GALNT4: variants seen among roughly 807,000 people sequenced by gnomAD.
GALNT4 encodes the protein polypeptide N-acetylgalactosaminyltransferase 4, also known as UDP-GalNAc:polypeptide N-acetylgalactosaminyltransferase 4.
Under a neutral mutation model 45.1 loss-of-function variants are expected in GALNT4, and 23 were observed. That is an observed-to-expected ratio of 0.51 (90% CI 0.37 to 0.72). GALNT4 has a LOEUF of 0.72. GALNT4 is among the 30% of genes least tolerant of loss of function. The pLI is 0.00. For synonymous variants in GALNT4, 264 were observed against 257.6 expected (o/e 1.02, Z -0.24); for missense variants, 757 against 709.0 (o/e 1.07, Z -0.77).
chr12:89,522,660 T>C lies in GALNT4; in HGVS notation c.*153A>G. 1 of 913,298 alleles carries C rather than the reference T, an allele frequency of 1.1e-6. No homozygotes were observed. The allele number at this position is 913,298 out of a possible 1,614,324, so 56.6% of individuals were successfully genotyped here. A position where few individuals can be genotyped will look rare whatever the true frequency, so the allele number is the denominator to read the frequency against. ...GCACTCTGGGTACCCAGTTTCAGTG[T>C]GATATACCAAAATGAACCCCAGCTT... On this transcript the variant is annotated 3_prime_UTR_variant, in exon 1 of 1. Coordinates refer to ENST00000529983, the MANE Select transcript of GALNT4 (RefSeq NM_003774.5).
At position 89,523,462 on chromosome 12, in the gene GALNT4, A is replaced by G. The variant is rs1341623435; in HGVS notation, c.1088T>C (p.Val363Ala). Residue 363 changes from valine (V) to alanine (A), a missense_variant, in exon 1 of 1, where the codon GTG becomes GCG. Coordinates refer to ENST00000529983, the MANE Select transcript of GALNT4 (RefSeq NM_003774.5). ...EIHPCSHVGH[V>A]FPKRAPYARP... ...AGCATATGGTGCCCGCTTGGGGAACACATGGCCCACGTGGGAACACGGGTG... is the reference window on the plus strand; with the variant it reads ...AGCATATGGTGCCCGCTTGGGGAACGCATGGCCCACGTGGGAACACGGGTG... 1.2e-6 allele frequency: 2 copies of G among 1,613,952 alleles called. No homozygotes were observed. The highest frequency in any genetic ancestry group is 1.7e-6 in the Non-Finnish European group (2 of 1,179,990).
In GALNT4 at chr12:89,522,804, T is replaced by C; in HGVS notation, c.*9A>G. ...TACTGTCAGCTCATGACGAAAGTGC[T>C]GTTGTGCTCTATTTCTCAAAACTCC... On this transcript the variant is annotated 3_prime_UTR_variant, in exon 1 of 1. Coordinates refer to ENST00000529983, the MANE Select transcript of GALNT4 (RefSeq NM_003774.5). The C allele has an allele frequency of 1.3e-6, 2 of 1,560,822 alleles. No homozygotes were observed. The highest frequency in any genetic ancestry group is 1.7e-6 in the Non-Finnish European group (2 of 1,156,076).
rs1311732678 is a variant in GALNT4 at position 89,522,228 on chromosome 12, A to T, written c.*585T>A. On this transcript the variant is annotated 3_prime_UTR_variant, in exon 1 of 1. Coordinates refer to ENST00000529983, the MANE Select transcript of GALNT4 (RefSeq NM_003774.5). ...GCATGTTAAAAAGGCCTCCAAACTC[A>T]CACTCAAACAAATGCCCTCTTCCAA... 1 of 398,500 alleles carries T rather than the reference A, an allele frequency of 2.5e-6. No individual in the cohort carries two copies. The highest frequency in any genetic ancestry group is 4.4e-5 in the Admixed American group (1 of 22,736). 24.7% of individuals were successfully genotyped at this position (398,500 alleles called of 1,614,324 possible).
rs1451722826 is a variant in GALNT4 at position 89,521,642 on chromosome 12, A to G, written c.*1171T>C. The G allele has an allele frequency of 5.3e-6, 1 of 188,834 alleles. No homozygotes were observed. The highest frequency in any genetic ancestry group is 2.3e-5 in the African/African-American group (1 of 43,140). 11.7% of individuals were successfully genotyped at this position (188,834 alleles called of 1,614,324 possible). On this transcript the variant is annotated 3_prime_UTR_variant, in exon 1 of 1. Transcript: ENST00000529983. ...TTTACCAATGAGAAAACTAAGCCCAAACACATCATAATAACTTGACCAAAG... is the reference window on the plus strand; with the variant it reads ...TTTACCAATGAGAAAACTAAGCCCAGACACATCATAATAACTTGACCAAAG...
rs1242319937 is a variant in GALNT4 at position 89,520,416 on chromosome 12, T to TA, written c.*2396dup. ...TAAAAAGAGAAAATTTAAAAATAAG[T>TA]AAAAAATAAAAAAATATTTTTAAAA... On this transcript the variant is annotated 3_prime_UTR_variant, in exon 1 of 1. Coordinates refer to ENST00000529983, the MANE Select transcript of GALNT4 (RefSeq NM_003774.5). 6.6e-6 allele frequency: 1 copy of TA among 151,930 alleles called. No homozygotes were observed. The highest frequency in any genetic ancestry group is 6.6e-5 in the Admixed American group (1 of 15,266). The allele number at this position is 151,930 out of a possible 1,614,324, so 9.4% of individuals were successfully genotyped here.
rs201453476 is a variant in GALNT4, at chr12:89,523,453, T to G, written c.1097A>C (p.Lys366Thr). The change falls in exon 1 of 1, where the codon AAG becomes ACG. Residue 366 changes from lysine (K) to threonine (T), a missense_variant. By Grantham distance (78) the Lys-to-Thr change is moderately conservative. Coordinates refer to ENST00000529983, the MANE Select transcript of GALNT4 (RefSeq NM_003774.5). Reference protein sequence around the residue: ...PCSHVGHVFPKRAPYARPNFL... With the variant: ...PCSHVGHVFPTRAPYARPNFL... Reference sequence around the variant, plus strand: ...ATTGGGGCGAGCATATGGTGCCCGCTTGGGGAACACATGGCCCACGTGGGA... The same window carrying G: ...ATTGGGGCGAGCATATGGTGCCCGCGTGGGGAACACATGGCCCACGTGGGA... 2.3e-5 allele frequency: 37 copies of G among 1,614,126 alleles called. No homozygotes were observed. The South Asian group carries it at 4.1e-4, about 18-fold the overall frequency.
rs368724781 is a variant in GALNT4, at chr12:89,522,870, T to C, written c.1680A>G (p.Val560=). Reference sequence around the variant, plus strand: ...CTAGAGCATCACAAGTTCTCATTTGTACATCAGGTCGGCCCTCCGGTGTCC... The same window carrying C: ...CTAGAGCATCACAAGTTCTCATTTGCACATCAGGTCGGCCCTCCGGTGTCC... ...AYRTPEGRPD[V]QMRTCDALDK... Residue 560 remains valine, a synonymous_variant, in exon 1 of 1, where the codon GTA becomes GTG. Transcript: ENST00000529983. The C allele has an allele frequency of 9.9e-6, 16 of 1,609,488 alleles. No individual in the cohort carries two copies. In the African/African-American group the frequency reaches 1.2e-4, roughly 12 times the overall value.
chr12:89,521,697 TTCATTCAG>T lies in GALNT4; in HGVS notation c.*1108_*1115del, dbSNP rs1384660327. 3.8e-6 allele frequency: 1 copy of T among 262,886 alleles called. No homozygotes were observed. Among genetic ancestry groups the T allele is most frequent in the Admixed American group, 5.4e-5 (1 of 18,606 alleles). 16.3% of individuals were successfully genotyped at this position (262,886 alleles called of 1,614,324 possible). On this transcript the variant is annotated 3_prime_UTR_variant, in exon 1 of 1. Transcript: ENST00000529983. ...ATTCCTCAGCTGAGCCATTCATTCA[TTCATTCAG>T]TCATTCATTCACCCACTTACTGAAA...
In GALNT4 at chr12:89,522,818, T is replaced by C; in HGVS notation, c.1732A>G (p.Lys578Glu). Residue 578 changes from lysine to glutamate, a missense_variant, in exon 1 of 1, where the codon AAA becomes GAA. By Grantham distance (56) the Lys-to-Glu change is moderately conservative (BLOSUM62 1). Coordinates refer to ENST00000529983, the MANE Select transcript of GALNT4 (RefSeq NM_003774.5). ...LDKNQIWSFEK is the reference protein window; with the variant it reads ...LDKNQIWSFEE ...GACGAAAGTGCTGTTGTGCTCTATT[T>C]CTCAAAACTCCAAATTTGATTTTTA... is the stretch of plus-strand genomic sequence containing the variant. 1 of 1,578,484 alleles carries C rather than the reference T, an allele frequency of 6.3e-7. No individual in the cohort carries two copies. Among genetic ancestry groups the C allele is most frequent in the African/African-American group, 1.4e-5 (1 of 73,440 alleles).
Position 89,523,453 on chromosome 12 carries a change from T to C in GALNT4, c.1097A>G (p.Lys366Arg), listed in dbSNP as rs201453476. 340 of 1,614,126 alleles carry C rather than the reference T, an allele frequency of 2.1e-4. 1 individual carries two copies. The highest frequency in any genetic ancestry group is 6.6e-4 in the Middle Eastern group (4 of 6,062). ...PCSHVGHVFP[K>R]RAPYARPNFL... ...ATTGGGGCGAGCATATGGTGCCCGCTTGGGGAACACATGGCCCACGTGGGA... is the reference window on the plus strand; with the variant it reads ...ATTGGGGCGAGCATATGGTGCCCGCCTGGGGAACACATGGCCCACGTGGGA... The change falls in exon 1 of 1, where the codon AAG becomes AGG. Residue 366 changes from lysine to arginine, a missense_variant. Lys to Arg is a conservative substitution (Grantham distance 26). Coordinates refer to ENST00000529983, the MANE Select transcript of GALNT4 (RefSeq NM_003774.5).
At position 89,522,588 on chromosome 12, in the gene GALNT4, TA is replaced by T; in HGVS notation, c.*224del. On this transcript the variant is annotated 3_prime_UTR_variant, in exon 1 of 1. Transcript: ENST00000529983. ...GAAGAGACCATATTGACAAAACTCTTATATAAAACAACCAATAAGTAAGGCA... is the reference window on the plus strand; with the variant it reads ...GAAGAGACCATATTGACAAAACTCTTTATAAAACAACCAATAAGTAAGGCA... 1 of 431,710 alleles carries T rather than the reference TA, an allele frequency of 2.3e-6. No individual in the cohort carries two copies. Among genetic ancestry groups the T allele is most frequent in the Admixed American group, 4.1e-5 (1 of 24,204 alleles). 26.7% of individuals were successfully genotyped at this position (431,710 alleles called of 1,614,324 possible).
In GALNT4 at chr12:89,524,221, A is replaced by C; in HGVS notation, c.329T>G (p.Ile110Ser). 6.2e-7 allele frequency: 1 copy of C among 1,613,912 alleles called. No individual in the cohort carries two copies. ...ATCCTCTATGTGTCGATGCAGGGAA[A>C]TCCTGTCACTGAGGTAAATATTGAT... ...YAINIYLSDRISLHRHIEDKR... is the reference protein window; with the variant it reads ...YAINIYLSDRSSLHRHIEDKR... Residue 110 changes from isoleucine (I) to serine (S), a missense_variant, in exon 1 of 1, where the codon ATT becomes AGT. Transcript: ENST00000529983.
chr12:89,524,652 T>G lies in GALNT4; in HGVS notation c.-103A>C, dbSNP rs150015112. 1 of 1,240,286 alleles carries G rather than the reference T, an allele frequency of 8.1e-7. No homozygotes were observed. The highest frequency in any genetic ancestry group is 1.5e-5 in the African/African-American group (1 of 66,354). The allele number at this position is 1,240,286 out of a possible 1,614,324, so 76.8% of individuals were successfully genotyped here. ...AGCTCAGGTACTTCCCAGCAGGTTC[T>G]TCCTTTCATGCAGGCGCTAGGCTCC... On this transcript the variant is annotated 5_prime_UTR_variant, in exon 1 of 1. Coordinates refer to ENST00000529983, the MANE Select transcript of GALNT4 (RefSeq NM_003774.5).
rs375709415 is a variant in GALNT4 at position 89,522,881 on chromosome 12, G to T, written c.1669C>A (p.Arg557=). 1 of 1,611,912 alleles carries T rather than the reference G, an allele frequency of 6.2e-7. No homozygotes were observed. The highest frequency in any genetic ancestry group is 1.1e-5 in the South Asian group (1 of 90,460). Residue 557 remains arginine, a synonymous_variant, in exon 1 of 1, where the codon CGA becomes AGA. Coordinates refer to ENST00000529983, the MANE Select transcript of GALNT4 (RefSeq NM_003774.5). ...CAAGTTCTCATTTGTACATCAGGTC[G>T]GCCCTCCGGTGTCCGATAAGCACTA... The part of the protein sequence containing the change: ...CLSAYRTPEG[R]PDVQMRTCDA...
Position 89,522,352 on chromosome 12 carries a change from G to A in GALNT4, c.*461C>T, listed in dbSNP as rs1278331770. On this transcript the variant is annotated 3_prime_UTR_variant, in exon 1 of 1. Transcript: ENST00000529983. ...AAAAATAAAATCTAAAATTTAATGTGCTGGCTAAAAAAGAAATACAAATTC... is the reference window on the plus strand; with the variant it reads ...AAAAATAAAATCTAAAATTTAATGTACTGGCTAAAAAAGAAATACAAATTC... 2 of 394,036 alleles carry A rather than the reference G, an allele frequency of 5.1e-6. No individual in the cohort carries two copies. Among genetic ancestry groups the A allele is most frequent in the African/African-American group, 2.1e-5 (1 of 48,514 alleles). The allele number at this position is 394,036 out of a possible 1,614,324, so 24.4% of individuals were successfully genotyped here.
At position 89,524,557 on chromosome 12, in the gene GALNT4, C is replaced by T. The variant is rs768890808; in HGVS notation, c.-8G>A. Reference sequence around the variant, plus strand: ...AGTCCACCTCACCGCCATCCGGATTCTCAGGGCTGAGGCGCAGACGCGGCC... The same window carrying T: ...AGTCCACCTCACCGCCATCCGGATTTTCAGGGCTGAGGCGCAGACGCGGCC... On this transcript the variant is annotated 5_prime_UTR_variant, in exon 1 of 1. Coordinates refer to ENST00000529983, the MANE Select transcript of GALNT4 (RefSeq NM_003774.5). 1 of 1,610,958 alleles carries T rather than the reference C, an allele frequency of 6.2e-7. No homozygotes were observed. The highest frequency in any genetic ancestry group is 8.5e-7 in the Non-Finnish European group (1 of 1,179,822).
chr12:89,524,314 T>C lies in GALNT4; in HGVS notation c.236A>G (p.Lys79Arg), dbSNP rs1871215436. The change falls in exon 1 of 1, where the codon AAA becomes AGA. Residue 79 changes from lysine (K) to arginine (R), a missense_variant. Coordinates refer to ENST00000529983, the MANE Select transcript of GALNT4 (RefSeq NM_003774.5). ...CTCGTTGAGCTGGAGTTTGCTGGCTTTCCCCCACTCCCCAAGTGCACGGGA... is the reference window on the plus strand; with the variant it reads ...CTCGTTGAGCTGGAGTTTGCTGGCTCTCCCCCACTCCCCAAGTGCACGGGA... ...ADSRALGEWGKASKLQLNEDE... is the reference protein window; with the variant it reads ...ADSRALGEWGRASKLQLNEDE... The C allele has an allele frequency of 6.2e-7, 1 of 1,613,996 alleles. No individual in the cohort carries two copies. The highest frequency in any genetic ancestry group is 1.3e-5 in the African/African-American group (1 of 75,048).
Position 89,523,780 on chromosome 12 carries a change from T to A in GALNT4, c.770A>T (p.Asp257Val), listed in dbSNP as rs1300460616. 6.5e-7 allele frequency: 1 copy of A among 1,537,246 alleles called. No individual in the cohort carries two copies. The highest frequency in any genetic ancestry group is 1.4e-5 in the African/African-American group (1 of 72,046). The stretch of plus-strand genomic sequence containing the variant: ...TTCAAAAGTATTCCAATCAATTGTG[T>A]CTATAACAGGACACACAACTGCTGT... ...DETAVVCPVI[D>V]TIDWNTFEFY... The change falls in exon 1 of 1, where the codon GAC becomes GTC. Residue 257 changes from aspartate to valine, a missense_variant. By Grantham distance (152) the Asp-to-Val change is radical. Coordinates refer to ENST00000529983, the MANE Select transcript of GALNT4 (RefSeq NM_003774.5).
chr12:89,522,726 A>C lies in GALNT4; in HGVS notation c.*87T>G. 4.0e-6 allele frequency: 6 copies of C among 1,490,478 alleles called. No individual in the cohort carries two copies. In the East Asian group the frequency reaches 7.0e-5, roughly 17 times the overall value. 92.3% of individuals were successfully genotyped at this position (1,490,478 alleles called of 1,614,324 possible). ...ATGACTGCTAGGTGGCTTTTGATAA[A>C]ATAAAATACAATCTTCACTGAGGCT... On this transcript the variant is annotated 3_prime_UTR_variant, in exon 1 of 1. Transcript: ENST00000529983.
Sources: allele counts gnomAD v4.1 joint callset, GRCh38; gene constraint gnomAD v4.1.1; transcripts MANE v1.5; gene names NCBI Gene and HGNC (gene_info 2026-07-23, HGNC 2026-07-21).